The following SLC22A15 variants were observed in gnomAD, a reference collection of about 807,000 sequenced individuals.
The protein encoded by SLC22A15 is flipt 1.
SLC22A15 carries 45 observed loss-of-function variants against 62.7 expected under a neutral mutation model. That is an observed-to-expected ratio of 0.72 (90% CI 0.56 to 0.92). The LOEUF (loss-of-function observed/expected upper bound fraction) is 0.92. Among genes scored for constraint, SLC22A15 ranks in the 40% least tolerant of loss-of-function variants. The probability of loss-of-function intolerance (pLI) is 0.00; values close to 1 mark genes in which losing one functional copy is unlikely to be tolerated. For missense variants in SLC22A15, 622 were observed against 665.6 expected, an observed-to-expected ratio of 0.93 and a Z score of 0.72; for synonymous variants, 264 against 267.0, an observed-to-expected ratio of 0.99 and a Z score of 0.11.
At chr1:116,063,600 G>A (rs551743589) in intron 9 of SLC22A15, among the ~76,000 whole-genome samples, 1 of 152,118 alleles carries the variant, frequency 6.6e-6, no homozygotes, top group Non-Finnish European at 1.5e-5. Context: ...GGTTCTTTCT[G>A]CCTGTTAATT....
At chr1:115,986,271 T>TGA (rs1654859991) in intron 1 of SLC22A15, among the ~76,000 whole-genome samples, 1 of 152,164 alleles carries the variant, frequency 6.6e-6, no homozygotes, top group East Asian at 1.9e-4. Context: ...TATACATATT[T>TGA]GATATATATA....
At chr1:116,043,081 G>T (rs999727247) in intron 8 of SLC22A15, among the ~76,000 whole-genome samples, 3 of 152,010 alleles carry the variant, frequency 2.0e-5, no homozygotes, top group Non-Finnish European at 4.4e-5. Flanking sequence ...GTGGATTGAA[G>T]AAAAAAATCA....
At chr1:116,047,153 G>T (rs535415378) in intron 8 of SLC22A15, among the ~76,000 whole-genome samples, 1 of 152,260 alleles carries the variant, frequency 6.6e-6, no homozygotes, top group South Asian at 2.1e-4. Context: ...AACTGGCCGC[G>T]CACAGTGGCT....
intron 1 of SLC22A15, among the ~76,000 whole-genome samples, chr1:115,984,559 G>A (rs1374566648): frequency 1.3e-5 from 2 of 152,130 alleles, no homozygotes; most frequent in Non-Finnish European, 1.5e-5. Flanking sequence ...AATTCCTATT[G>A]CCTAGTATTT....
At chr1:116,031,287 G>A (rs1657379883) in intron 5 of SLC22A15, 79 bp from the exon 6 acceptor site, 3 of 1,067,928 alleles carry the variant, frequency 2.8e-6, no homozygotes, top group Non-Finnish European at 4.2e-6. Flanking sequence ...AGGAATCCAC[G>A]TACTGAGTAG....
intron 10 of SLC22A15, 38 bp downstream of exon 10, chr1:116,064,546 T>A: frequency 1.4e-6 from 2 of 1,385,184 alleles, no homozygotes; most frequent in Non-Finnish European, 2.1e-6. Context: ...TTCTTGATTC[T>A]CTGCTTTGGA....
chr1:115,982,049 T>C (rs1472127329), intron 1 of SLC22A15, among the ~76,000 whole-genome samples: 1 of 152,220 alleles, frequency 6.6e-6, no homozygotes, highest in Non-Finnish European at 1.5e-5. Flanking sequence ...TTTCTCAGAG[T>C]TTCCCAATGC....
chr1:116,006,218 A>G (rs1386976746), intron 2 of SLC22A15, among the ~76,000 whole-genome samples: 1 of 152,120 alleles, frequency 6.6e-6, no homozygotes, highest in East Asian at 1.9e-4. Flanking sequence ...TACCTGCCTT[A>G]TGTTAGAGAA....
rs1439262073 is a variant in SLC22A15 at position 115,984,302 on chromosome 1, C to T, written c.87+7588C>T. Among the ~76,000 whole-genome samples the T allele has an allele frequency of 3.3e-5, 5 of 152,128 alleles. 1 individual carries two copies. The South Asian group carries it at 1.0e-3, about 32-fold the overall frequency. The stretch of plus-strand genomic sequence containing the variant: ...TTCCTGAGTTTTGTTTTCATTAACT[C>T]CTTAGCAGCCTTTACTACCTGCTCA... On this transcript the variant is annotated intron_variant, in intron 1 of 11. Transcript: ENST00000369503.
At chr1:116,015,535 C>T (rs1055849088) in intron 2 of SLC22A15, among the ~76,000 whole-genome samples, 2 of 152,138 alleles carry the variant, frequency 1.3e-5, no homozygotes, top group Non-Finnish European at 2.9e-5. Context: ...AGAAGTTCAG[C>T]AAATGAGGCA....
rs1423550348 is a variant in SLC22A15 at position 116,019,575 on chromosome 1, C to T, written c.301-7C>T. 2 of 1,592,756 alleles carry T rather than the reference C, an allele frequency of 1.3e-6. No homozygotes were observed. The highest frequency in any genetic ancestry group is 3.7e-5 in the Admixed American group (2 of 54,184). On this transcript the variant is annotated splice_polypyrimidine_tract_variant and splice_region_variant and intron_variant, in intron 2 of 11. Coordinates refer to ENST00000369503, the MANE Select transcript of SLC22A15 (RefSeq NM_018420.3). ...ACATGTCTCTCTTTTGTTTTATCTT[C>T]CTCTAGTGGTTTTTAATTGCCAACA...
chr1:115,976,579 A>G lies in SLC22A15; in HGVS notation c.-49A>G. 7.0e-7 allele frequency: 1 copy of G among 1,421,588 alleles called. No homozygotes were observed. The highest frequency in any genetic ancestry group is 1.2e-5 in the South Asian group (1 of 83,482). 88.1% of individuals were successfully genotyped at this position (1,421,588 alleles called of 1,614,324 possible). On this transcript the variant is annotated 5_prime_UTR_variant, in exon 1 of 12. Coordinates refer to ENST00000369503, the MANE Select transcript of SLC22A15 (RefSeq NM_018420.3). ...GGGTTGCCGCGCTGGGCGGGAGGGC[A>G]GCGCCTGAGAGGGCGGTGGGGTGGC...
intron 7 of SLC22A15, among the ~76,000 whole-genome samples, chr1:116,035,666 A>G (rs553540086): frequency 7.9e-5 from 12 of 152,316 alleles, no homozygotes; most frequent in South Asian, 2.1e-4. Context: ...TTCTGTGTAG[A>G]TGAAACTCTA....
At chr1:116,014,973 A>G (rs576010091) in intron 2 of SLC22A15, 9 of 152,320 alleles carry the variant, frequency 5.9e-5, no homozygotes, top group East Asian at 1.9e-4. Context: ...CTCAAATACT[A>G]TAGGGATCAA....
chr1:115,983,580 G>A (rs558552787), intron 1 of SLC22A15, among the ~76,000 whole-genome samples: 1 of 152,316 alleles, frequency 6.6e-6, no homozygotes, highest in East Asian at 1.9e-4. Flanking sequence ...CTTCGTGTGT[G>A]ATGTTGGAGC....
At chr1:115,986,760 C>T (rs1032665092) in intron 1 of SLC22A15, among the ~76,000 whole-genome samples, 2 of 152,202 alleles carry the variant, frequency 1.3e-5, no homozygotes, top group African/African-American at 4.8e-5. Flanking sequence ...GCTATTTGTA[C>T]AGTGCTATGC....
chr1:116,023,465 A>G (rs552429579), intron 4 of SLC22A15, among the ~76,000 whole-genome samples: 16 of 152,330 alleles, frequency 1.1e-4, no homozygotes, highest in Non-Finnish European at 2.1e-4. Flanking sequence ...CTATTCCCCT[A>G]GAGACGACCA....
chr1:116,044,325 T>C (rs4620547), intron 8 of SLC22A15, among the ~76,000 whole-genome samples: 147,248 of 152,340 alleles, frequency 0.97, 71,374 homozygotes, highest in East Asian at 1. Context: ...AGTGGCCAGG[T>C]GCTTTGGCTT....
intron 1 of SLC22A15, among the ~76,000 whole-genome samples, chr1:115,990,176 G>A (rs1476179372): frequency 6.6e-6 from 1 of 152,228 alleles, no homozygotes; most frequent in Non-Finnish European, 1.5e-5. Context: ...TGATATCTGT[G>A]TTGCGTCTTG....
Sources: allele counts gnomAD v4.1 joint callset (sites outside exome capture counted in the v4.1 genomes callset), GRCh38; gene constraint gnomAD v4.1.1; transcripts MANE v1.5; gene names NCBI Gene and HGNC (gene_info 2026-07-23, HGNC 2026-07-21).